The following CPPED1 variants were observed in gnomAD, a reference collection of about 807,000 sequenced individuals.
CPPED1 encodes serine/threonine-protein phosphatase CPPED1.
CPPED1 carries 28 observed loss-of-function variants against 28.0 expected under a neutral mutation model. The ratio of observed to expected loss-of-function variants is 1.00; its 90% CI spans 0.74 to 1.37. The LOEUF (loss-of-function observed/expected upper bound fraction) is 1.37, where lower values mean the gene tolerates loss of function less well. Ranked by LOEUF, CPPED1 falls within the 40% of genes most tolerant of loss-of-function variation. CPPED1 has a pLI of 0.00. For synonymous variants in CPPED1, 198 were observed against 180.2 expected (o/e 1.10, Z -0.79); for missense variants, 504 against 416.5 (o/e 1.21, Z -1.83).
intron 2 of CPPED1, among the ~76,000 whole-genome samples, chr16:12,708,521 C>A (rs2080063407): frequency 6.6e-6 from 1 of 152,132 alleles, no homozygotes; most frequent in Non-Finnish European, 1.5e-5. Flanking sequence ...TATCAGCGAC[C>A]CACTGTGTGT....
intron 2 of CPPED1, among the ~76,000 whole-genome samples, chr16:12,766,378 G>T (rs2080439635): frequency 6.6e-6 from 1 of 151,714 alleles, no homozygotes; most frequent in Non-Finnish European, 1.5e-5. Flanking sequence ...AAGGAAAAGG[G>T]GTTTAATTGG....
intron 3 of CPPED1, among the ~76,000 whole-genome samples, chr16:12,665,734 C>T (rs751166698): frequency 3.2e-4 from 49 of 152,256 alleles, no homozygotes; most frequent in Non-Finnish European, 4.0e-4. Flanking sequence ...TTGAGACCAG[C>T]GTGGCCAATA....
At chr16:12,764,631 G>A (rs566569673) in intron 2 of CPPED1, among the ~76,000 whole-genome samples, 2 of 152,274 alleles carry the variant, frequency 1.3e-5, no homozygotes, top group African/African-American at 4.8e-5. Context: ...GAGCCACTGC[G>A]CCTGGCCTGA....
intron 2 of CPPED1, among the ~76,000 whole-genome samples, chr16:12,715,049 G>C (rs985488600): frequency 2.0e-5 from 3 of 152,012 alleles, no homozygotes; most frequent in African/African-American, 4.8e-5. Context: ...TTGTTGAAAA[G>C]ACTACCCTTT....
At chr16:12,760,802 A>C (rs1466755318) in intron 2 of CPPED1, 4 of 152,230 alleles carry the variant, frequency 2.6e-5, no homozygotes, top group Admixed American at 2.6e-4. Context: ...TTCCCAGGCC[A>C]GGATCATCCT....
intron 3 of CPPED1, among the ~76,000 whole-genome samples, chr16:12,697,047 C>G (rs1393215383): frequency 6.6e-6 from 1 of 151,900 alleles, no homozygotes. Flanking sequence ...TTTTTTGAGT[C>G]AGAATCTTGC....
chr16:12,704,121 A>G (rs1375860041), intron 3 of CPPED1, among the ~76,000 whole-genome samples: 1 of 152,208 alleles, frequency 6.6e-6, no homozygotes, highest in Admixed American at 6.5e-5. Flanking sequence ...ACTGGAGGGC[A>G]GCTTGACTCT....
intron 2 of CPPED1, among the ~76,000 whole-genome samples, chr16:12,727,598 T>G (rs1008451433): frequency 2.0e-5 from 3 of 152,172 alleles, no homozygotes; most frequent in Non-Finnish European, 4.4e-5. Flanking sequence ...ATCCTCACAC[T>G]TTGGCCTCCC....
Position 12,781,397 on chromosome 16 carries a change from T to A in CPPED1, c.77A>T (p.Glu26Val). ...GTAGAATGGGCCTTTCCATTCGCTTTCCTTTTCTTAAAAAAAGAGAGAGGG... is the reference window on the plus strand; with the variant it reads ...GTAGAATGGGCCTTTCCATTCGCTTACCTTTTCTTAAAAAAAGAGAGAGGG... ...RTLAAFPAEK[E>V]SEWKGPFYFI... Residue 26 changes from glutamate (E) to valine (V), a missense_variant, in exon 2 of 4, where the codon GAA (glutamate) becomes GTA (valine). By Grantham distance (121) the Glu-to-Val change is moderately radical. Coordinates refer to ENST00000381774, the MANE Select transcript of CPPED1 (RefSeq NM_018340.3). 1 of 1,612,734 alleles carries A rather than the reference T, an allele frequency of 6.2e-7. No individual in the cohort carries two copies. Among genetic ancestry groups the A allele is most frequent in the Non-Finnish European group, 8.5e-7 (1 of 1,179,522 alleles).
rs748682874 is a variant in CPPED1 at position 12,781,219 on chromosome 16, G to A, written c.255C>T (p.Phe85=). The A allele has an allele frequency of 1.2e-5, 19 of 1,613,892 alleles. 1 individual carries two copies. Among genetic ancestry groups the A allele is most frequent in the South Asian group, 8.8e-5 (8 of 91,044 alleles). Residue 85 remains phenylalanine, a synonymous_variant, in exon 2 of 4, where the codon TTC becomes TTT. Transcript: ENST00000381774. ...INKLNPKPKF[F]VLCGDLIHAM... ...CGTGGATGAGGTCGCCGCACAGAAC[G>A]AAGAATTTGGGTTTGGGGTTCAGCT...
chr16:12,747,420 G>A (rs1233370300), intron 2 of CPPED1, among the ~76,000 whole-genome samples: 1 of 143,252 alleles, frequency 7.0e-6, no homozygotes, highest in African/African-American at 2.7e-5. Flanking sequence ...CGAAAAGGGG[G>A]ACTCTGTTTT....
intron 2 of CPPED1, among the ~76,000 whole-genome samples, chr16:12,761,557 C>A (rs964069823): frequency 6.6e-6 from 1 of 152,102 alleles, no homozygotes; most frequent in African/African-American, 2.4e-5. Context: ...CTTAGGTTTA[C>A]CCAATGATAA....
At chr16:12,788,308 G>C (rs1488125977) in intron 1 of CPPED1, among the ~76,000 whole-genome samples, 1 of 152,172 alleles carries the variant, frequency 6.6e-6, no homozygotes, top group East Asian at 1.9e-4. Context: ...GCTCAGCTGA[G>C]AGTCAGCCAT....
intron 2 of CPPED1, among the ~76,000 whole-genome samples, chr16:12,744,459 T>TA (rs974618535): frequency 1.3e-5 from 2 of 152,032 alleles, no homozygotes; most frequent in African/African-American, 4.8e-5. Context: ...CTGGAAGAAT[T>TA]AAAAAACTGG....
At chr16:12,669,958 GA>G (rs2079845640) in intron 3 of CPPED1, among the ~76,000 whole-genome samples, 1 of 152,154 alleles carries the variant, frequency 6.6e-6, no homozygotes, top group Non-Finnish European at 1.5e-5. Flanking sequence ...TTAACAATCT[GA>G]GTAGTGAAAT....
intron 2 of CPPED1, among the ~76,000 whole-genome samples, chr16:12,751,594 G>A (rs532762367): frequency 2.0e-4 from 31 of 152,300 alleles, no homozygotes; most frequent in African/African-American, 7.2e-4. Context: ...AGAAAGCTAG[G>A]AAGTCCCGGG....
At chr16:12,766,106 G>A (rs2080436364) in intron 2 of CPPED1, among the ~76,000 whole-genome samples, 1 of 151,926 alleles carries the variant, frequency 6.6e-6, no homozygotes, top group African/African-American at 2.4e-5. Flanking sequence ...AGGGGATTGT[G>A]CAAACTTCTG....
At chr16:12,775,661 C>T (rs569416211) in intron 2 of CPPED1, among the ~76,000 whole-genome samples, 40 of 152,298 alleles carry the variant, frequency 2.6e-4, no homozygotes, top group Admixed American at 3.9e-4. Flanking sequence ...AGAGATTCTA[C>T]ATCTCTAACA....
chr16:12,771,823 T>C (rs570709177), intron 2 of CPPED1, among the ~76,000 whole-genome samples: 1 of 152,274 alleles, frequency 6.6e-6, no homozygotes, highest in South Asian at 2.1e-4. Context: ...ATTACAGAAT[T>C]AGAAACCTCC....
Sources: gnomAD v4.1 joint callset for allele counts (sites outside exome capture counted in the v4.1 genomes callset) on GRCh38, gnomAD v4.1.1 for gene constraint, MANE v1.5 for transcripts, NCBI Gene and HGNC (gene_info 2026-07-23, HGNC 2026-07-21) for gene names.